LRP1B: variants seen among roughly 807,000 people sequenced by gnomAD.
LRP1B encodes low-density lipoprotein receptor-related protein 1B.
LRP1B carries 217 observed loss-of-function variants against 556.6 expected under a neutral mutation model. That is an observed-to-expected ratio of 0.39 (90% confidence interval 0.35 to 0.44). The LOEUF is 0.44. Ranked by LOEUF, LRP1B falls within the 20% of genes least tolerant of loss-of-function variation. LRP1B has a pLI of 1.00. For missense variants in LRP1B, 5,053 were observed against 5,620.8 expected, an observed-to-expected ratio of 0.90 and a Z score of 3.23; for synonymous variants, 2,047 against 1,865.8, an observed-to-expected ratio of 1.10 and a Z score of -2.50.
At chr2:141,996,444 T>A (rs750298335) in intron 1 of LRP1B, among the ~76,000 whole-genome samples, 51 of 152,112 alleles carry the variant, frequency 3.4e-4, no homozygotes, top group Non-Finnish European at 5.6e-4. Flanking sequence ...ATGTTAATAG[T>A]TTTTACTTTG....
intron 2 of LRP1B, among the ~76,000 whole-genome samples, chr2:141,702,355 C>T (rs899647826): frequency 6.6e-6 from 1 of 151,858 alleles, no homozygotes; most frequent in African/African-American, 2.4e-5. Context: ...AAGGAGGCAG[C>T]TTCCCCTCAG....
Position 140,456,494 on chromosome 2 carries a change from A to C in LRP1B, c.9924T>G (p.Ala3308=). The change falls in exon 62 of 91, where the codon GCT becomes GCG. Residue 3308 remains alanine, a synonymous_variant. Coordinates refer to ENST00000389484, the MANE Select transcript of LRP1B (RefSeq NM_018557.3). ...AGTTGGATAAGCAAGTCCTATTATCAGCTGCCAGATAGAAGTTAGTGGGAC... is the reference window on the plus strand; with the variant it reads ...AGTTGGATAAGCAAGTCCTATTATCCGCTGCCAGATAGAAGTTAGTGGGAC... ...CACPTNFYLA[A]DNRTCLSNCT... is the part of the protein sequence containing the mutation. The C allele has an allele frequency of 6.2e-7, 1 of 1,613,470 alleles. No individual in the cohort carries two copies. The highest frequency in any genetic ancestry group is 8.5e-7 in the Non-Finnish European group (1 of 1,179,596).
At chr2:141,792,995 C>T (rs1451844303) in intron 2 of LRP1B, among the ~76,000 whole-genome samples, 2 of 151,830 alleles carry the variant, frequency 1.3e-5, no homozygotes, top group African/African-American at 4.8e-5. Context: ...ACTTGTCTAC[C>T]ATTTTAGATG....
intron 2 of LRP1B, among the ~76,000 whole-genome samples, chr2:141,564,725 T>C (rs928004302): frequency 3.3e-5 from 5 of 152,182 alleles, no homozygotes; most frequent in South Asian, 2.1e-4. Context: ...AGAAATGATA[T>C]AAACTGAAGG....
intron 3 of LRP1B, among the ~76,000 whole-genome samples, chr2:141,345,332 G>A (rs1034975970): frequency 5.9e-5 from 9 of 152,022 alleles, no homozygotes; most frequent in African/African-American, 2.2e-4. Flanking sequence ...ATTAAGTTGT[G>A]GTAATCTGTT....
chr2:141,479,221 T>C (rs1183713319), intron 3 of LRP1B, among the ~76,000 whole-genome samples: 2 of 152,284 alleles, frequency 1.3e-5, no homozygotes, highest in East Asian at 3.9e-4. Context: ...CCATTTATGG[T>C]CTTGAATTCA....
At chr2:141,331,796 T>C (rs1408027500) in intron 3 of LRP1B, among the ~76,000 whole-genome samples, 1 of 152,090 alleles carries the variant, frequency 6.6e-6, no homozygotes, top group Non-Finnish European at 1.5e-5. Flanking sequence ...AAATTGTCTG[T>C]TAAGATTGAG....
At chr2:140,897,197 G>C (rs1399720260) in intron 23 of LRP1B, among the ~76,000 whole-genome samples, 1 of 152,150 alleles carries the variant, frequency 6.6e-6, no homozygotes. Context: ...AATCTTAACA[G>C]TGAGAAATCA....
At chr2:140,885,184 T>C (rs1309415494) in intron 24 of LRP1B, among the ~76,000 whole-genome samples, 1 of 152,144 alleles carries the variant, frequency 6.6e-6, no homozygotes, top group East Asian at 1.9e-4. Context: ...GTATATGACA[T>C]AGGATATAAG....
rs200439289 is a variant in LRP1B, at chr2:142,052,263, A to G, written c.82+78385T>C. Among the ~76,000 whole-genome samples, 16 of 152,218 alleles carry G rather than the reference A, an allele frequency of 1.1e-4. No homozygotes were observed. In the East Asian group the frequency reaches 3.1e-3, roughly 30 times the overall value. On this transcript the variant is annotated intron_variant, in intron 1 of 90. Transcript: ENST00000389484. Reference sequence around the variant, plus strand: ...TTAGAAAACAAACTTTAAAACCCCTATAAACATTTTCCTCAAATCCCTAGA... The same window carrying G: ...TTAGAAAACAAACTTTAAAACCCCTGTAAACATTTTCCTCAAATCCCTAGA...
chr2:141,680,379 A>G (rs766763368), intron 2 of LRP1B, among the ~76,000 whole-genome samples: 1 of 152,162 alleles, frequency 6.6e-6, no homozygotes, highest in Non-Finnish European at 1.5e-5. Flanking sequence ...GTGCTAACAT[A>G]GACAAAGAAA....
At chr2:141,834,095 T>C (rs998225532) in intron 1 of LRP1B, among the ~76,000 whole-genome samples, 2 of 151,808 alleles carry the variant, frequency 1.3e-5, no homozygotes, top group Admixed American at 1.3e-4. Flanking sequence ...GGTAGGGAGT[T>C]CAAAACTGAG....
chr2:142,106,269 T>C (rs1706743559), intron 1 of LRP1B, among the ~76,000 whole-genome samples: 3 of 152,196 alleles, frequency 2.0e-5, no homozygotes, highest in Admixed American at 2.0e-4. Flanking sequence ...AATTGGATAA[T>C]TTTTTAAAAT....
intron 1 of LRP1B, among the ~76,000 whole-genome samples, chr2:142,010,137 C>G (rs868253016): frequency 2.0e-5 from 3 of 152,172 alleles, no homozygotes; most frequent in South Asian, 2.1e-4. Context: ...ATATTTGTCA[C>G]AACTGAGGGG....
intron 5 of LRP1B, among the ~76,000 whole-genome samples, chr2:141,237,155 G>A (rs190135885): frequency 2.1e-4 from 32 of 152,234 alleles, no homozygotes; most frequent in African/African-American, 7.2e-4. Flanking sequence ...TTGTTGTATT[G>A]TGGACAACGA....
In LRP1B at chr2:141,414,788, G is replaced by T. The variant is rs546474106; in HGVS notation, c.343+65608C>A. On this transcript the variant is annotated intron_variant, in intron 3 of 90. Coordinates refer to ENST00000389484, the MANE Select transcript of LRP1B (RefSeq NM_018557.3). ...TATTCCTCCAAATAACCGTCTTCTT[G>T]TCGTTGTTGTAGTTTATAACCAAAA... Among the ~76,000 whole-genome samples the T allele has an allele frequency of 1.6e-3, 247 of 152,228 alleles. 2 individuals carry two copies. Among genetic ancestry groups the T allele is most frequent in the Middle Eastern group, 3.4e-3 (1 of 294 alleles).
chr2:141,259,176 T>A (rs112197857), intron 3 of LRP1B, among the ~76,000 whole-genome samples: 3,405 of 152,006 alleles, frequency 0.022, 70 homozygotes, highest in Non-Finnish European at 0.036. Context: ...TAAGAGGGAG[T>A]CTAAAAGGAT....
chr2:141,710,788 T>C lies in LRP1B; in HGVS notation c.205+99491A>G, dbSNP rs535637333. Among the ~76,000 whole-genome samples the C allele has an allele frequency of 1.1e-4, 16 of 152,318 alleles. 1 individual carries two copies. The South Asian group carries it at 1.7e-3, about 16-fold the overall frequency. On this transcript the variant is annotated intron_variant, in intron 2 of 90. Coordinates refer to ENST00000389484, the MANE Select transcript of LRP1B (RefSeq NM_018557.3). ...GTGGAATTCACCTGAAAGTGACCTT[T>C]GGTTATTGCTACAAACAGGTCATCT...
rs1301049683 is a variant in LRP1B at position 140,751,199 on chromosome 2, G to A, written c.5758+18014C>T. On this transcript the variant is annotated intron_variant, in intron 35 of 90. Coordinates refer to ENST00000389484, the MANE Select transcript of LRP1B (RefSeq NM_018557.3). Reference sequence around the variant, plus strand: ...GTAGAGACGGGGTTTCACCATGTTGGCCAGGCTGGTTTTGAACTCCTGACC... The same window carrying A: ...GTAGAGACGGGGTTTCACCATGTTGACCAGGCTGGTTTTGAACTCCTGACC... Among the ~76,000 whole-genome samples the A allele has an allele frequency of 2.6e-5, 4 of 151,904 alleles. 1 individual carries two copies. The highest frequency in any genetic ancestry group is 2.6e-4 in the Admixed American group (4 of 15,234).
Sources: allele counts gnomAD v4.1 joint callset (sites outside exome capture counted in the v4.1 genomes callset), GRCh38; gene constraint gnomAD v4.1.1; transcripts MANE v1.5; gene names NCBI Gene and HGNC (gene_info 2026-07-23, HGNC 2026-07-21).